The following ANKRD36C variants were observed in gnomAD, a reference collection of about 807,000 sequenced individuals.
ANKRD36C encodes ankyrin repeat domain-containing protein 36C.
ANKRD36C carries 61 observed loss-of-function variants against 276.4 expected under a neutral mutation model. The ratio of observed to expected loss-of-function variants is 0.22; its 90% CI spans 0.18 to 0.27. The LOEUF (loss-of-function observed/expected upper bound fraction) is 0.27, where lower values mean the gene tolerates loss of function less well. Among genes scored for constraint, ANKRD36C ranks in the 10% least tolerant of loss-of-function variants. The pLI, the probability that ANKRD36C is intolerant of heterozygous loss-of-function variation, is 1.00. For missense variants in ANKRD36C, 1,447 were observed against 2,032.3 expected, an observed-to-expected ratio of 0.71 and a Z score of 5.54; for synonymous variants, 483 against 680.1, an observed-to-expected ratio of 0.71 and a Z score of 4.51.
chr2:95,883,961 T>C (rs1461578657), intron 54 of ANKRD36C, among the ~76,000 whole-genome samples: 1 of 152,026 alleles, frequency 6.6e-6, no homozygotes, highest in African/African-American at 2.4e-5. Flanking sequence ...TTCTTCCCAA[T>C]TTCAATGTGG....
At chr2:95,964,878 A>G (rs376340664) in intron 6 of ANKRD36C, among the ~76,000 whole-genome samples, 3 of 152,130 alleles carry the variant, frequency 2.0e-5, no homozygotes, top group Admixed American at 1.3e-4. Flanking sequence ...GTTTAACTAC[A>G]CATAAAACCA....
At chr2:95,864,000 C>T (rs1487159029) in intron 60 of ANKRD36C, among the ~76,000 whole-genome samples, 1 of 152,052 alleles carries the variant, frequency 6.6e-6, no homozygotes, top group East Asian at 1.9e-4. Flanking sequence ...TCAATTTAGG[C>T]TCATCTATCA....
At chr2:95,980,509 A>G (rs1472149571) in intron 5 of ANKRD36C, 139 bp downstream of exon 5, 17 of 1,262,392 alleles carry the variant, frequency 1.3e-5, no homozygotes, top group Non-Finnish European at 1.1e-6. Context: ...ACTCTCGAAA[A>G]CTTAAAAACT....
At position 95,890,267 on chromosome 2, in the gene ANKRD36C, A is replaced by G. The variant is rs1229808892; in HGVS notation, c.2858-273T>C. Among the ~76,000 whole-genome samples, 6 of 151,556 alleles carry G rather than the reference A, an allele frequency of 4.0e-5. No homozygotes were observed. The South Asian group carries it at 1.2e-3, about 31-fold the overall frequency. ...AAGCCCTGTCAATATCAATGTCGAT[A>G]TGCCGAGTGATGAGGACAAAGTGAT... On this transcript the variant is annotated intron_variant, in intron 46 of 66. Transcript: ENST00000456556.
At chr2:95,882,902 AT>A (rs1346624875) in intron 54 of ANKRD36C, among the ~76,000 whole-genome samples, 1 of 152,144 alleles carries the variant, frequency 6.6e-6, no homozygotes, top group Non-Finnish European at 1.5e-5. Flanking sequence ...GATTTATACC[AT>A]TGTACTGCAA....
exon 64 of ANKRD36C, chr2:95,853,841 T>C (rs958163375): frequency 1.2e-6 from 2 of 1,608,720 alleles, no homozygotes; most frequent in African/African-American, 2.7e-5. Context: ...CTTGTTTTTG[T>C]TGAAGCTGTC....
intron 42 of ANKRD36C, 139 bp from the exon 45 acceptor site, chr2:95,910,707 G>A (rs1016135581): frequency 1.3e-5 from 19 of 1,484,404 alleles, no homozygotes; most frequent in East Asian, 4.9e-5. Flanking sequence ...TTGTGTCTGG[G>A]GACTAGAACA....
At chr2:95,894,166 A>G (rs1185859297) in intron 44 of ANKRD36C, 2 of 218,138 alleles carry the variant, frequency 9.2e-6, no homozygotes, top group African/African-American at 2.4e-5. Flanking sequence ...TAAACTGCCA[A>G]TAACTGAGAA....
intron 20 of ANKRD36C, among the ~76,000 whole-genome samples, chr2:95,940,017 ACTTT>A (rs2104460359): frequency 6.8e-6 from 1 of 147,706 alleles, no homozygotes; most frequent in African/African-American, 2.5e-5. Flanking sequence ...ATAACAATCA[ACTTT>A]CTTTTTTTTA....
chr2:95,969,168 C>A (rs980484289), intron 6 of ANKRD36C, among the ~76,000 whole-genome samples: 14 of 152,062 alleles, frequency 9.2e-5, no homozygotes, highest in African/African-American at 2.7e-4. Flanking sequence ...AGGGGTGGGG[C>A]TGGAAGTCCC....
At chr2:95,896,907 T>C (rs1676567126) in intron 44 of ANKRD36C, among the ~76,000 whole-genome samples, 1 of 148,882 alleles carries the variant, frequency 6.7e-6, no homozygotes, top group African/African-American at 2.5e-5. Flanking sequence ...CTGTCTTTTC[T>C]TGGCAGTACG....
chr2:95,912,265 C>A lies in ANKRD36C; in HGVS notation c.2632G>T (p.Asp878Tyr), dbSNP rs192969318. Reference sequence around the variant, plus strand: ...TTACCTGTCCTAGATGTTTCTCCATCCTTTTTTTCTCTGGTTATATTCGAA... The same window carrying A: ...TTACCTGTCCTAGATGTTTCTCCATACTTTTTTTCTCTGGTTATATTCGAA... Residue 878 changes from aspartate (D) to tyrosine (Y), a missense_variant, in exon 42 of 67, where the codon GAT (aspartate) becomes TAT (tyrosine). Asp to Tyr is a radical substitution (Grantham distance 160, BLOSUM62 -3). This residue lies in a region of ANKRD36C where 565 missense variants were observed against 539.5 expected (regional missense o/e 1.05). Coordinates refer to ENST00000456556, the Ensembl canonical transcript of ANKRD36C. 1,914 of 1,554,400 alleles carry A rather than the reference C, an allele frequency of 1.2e-3. 3 individuals are homozygous for A. The highest frequency in any genetic ancestry group is 1.5e-3 in the Non-Finnish European group (1,679 of 1,150,114).
At position 95,927,194 on chromosome 2, in the gene ANKRD36C, A is replaced by G. The variant is rs773550568; in HGVS notation, c.1939+20T>C. On this transcript the variant is annotated intron_variant, in intron 28 of 66. Coordinates refer to ENST00000456556, the Ensembl canonical transcript of ANKRD36C. ...TCTATCTTGACTGAACATGACATTA[A>G]ATGTGTTTTGCAAAATTACCTGTCC... The G allele has an allele frequency of 6.2e-7, 1 of 1,609,160 alleles. No individual in the cohort carries two copies. The highest frequency in any genetic ancestry group is 8.5e-7 in the Non-Finnish European group (1 of 1,177,356).
intron 10 of ANKRD36C, among the ~76,000 whole-genome samples, chr2:95,960,194 C>T (rs1678423463): frequency 6.6e-6 from 1 of 152,006 alleles, no homozygotes; most frequent in Non-Finnish European, 1.5e-5. Flanking sequence ...AGAATTAAAG[C>T]AAAATTATGC....
At chr2:95,921,544 G>A (rs1411707637) in intron 34 of ANKRD36C, 63 bp downstream of exon 34, 59 of 1,554,096 alleles carry the variant, frequency 3.8e-5, no homozygotes, top group Middle Eastern at 4.4e-4. Flanking sequence ...TGATTTATTC[G>A]GGGTAGAGAA....
intron 16 of ANKRD36C, among the ~76,000 whole-genome samples, chr2:95,949,258 A>T (rs1375358034): frequency 4.6e-5 from 7 of 152,168 alleles, no homozygotes; most frequent in African/African-American, 1.7e-4. Context: ...ATTAAAAATT[A>T]TAAAATCCAA....
At chr2:95,886,020 A>T (rs749575317) in intron 52 of ANKRD36C, 28 bp downstream of exon 72, 1 of 1,596,274 alleles carries the variant, frequency 6.3e-7, no homozygotes, top group Non-Finnish European at 8.5e-7. Flanking sequence ...TTGATCGAAC[A>T]TTACATTAAA....
rs1282633859 is a variant in ANKRD36C, at chr2:95,916,126, A to T, written c.2376+17T>A. On this transcript the variant is annotated intron_variant, in intron 37 of 66. Coordinates refer to ENST00000456556, the Ensembl canonical transcript of ANKRD36C. ...TATACGTTTACTAGCTCACAATATA[A>T]ATGAGAGTTTCATTACCTTCAAGGC... The T allele has an allele frequency of 6.2e-7, 1 of 1,605,474 alleles. No individual in the cohort carries two copies. Among genetic ancestry groups the T allele is most frequent in the East Asian group, 2.2e-5 (1 of 44,602 alleles).
rs773417560 is a variant in ANKRD36C, at chr2:95,914,221, T to A, written c.2479-41A>T. The A allele has an allele frequency of 3.8e-6, 6 of 1,562,474 alleles. No homozygotes were observed. In the South Asian group the frequency reaches 4.7e-5, roughly 12 times the overall value. The stretch of plus-strand genomic sequence containing the variant: ...AATGAAATAATAAGTTAATAAAGTA[T>A]GTTTCATAGACTATGCATTTACTAG... On this transcript the variant is annotated intron_variant, in intron 39 of 66. Transcript: ENST00000456556.
Sources: gnomAD v4.1 joint callset for allele counts (sites outside exome capture counted in the v4.1 genomes callset) on GRCh38, gnomAD v4.1.1 for gene constraint, gnomAD v4.1.1 regional missense constraint, MANE v1.5 for transcripts, NCBI Gene and HGNC (gene_info 2026-07-23, HGNC 2026-07-21) for gene names.